TYW1: variants seen among roughly 807,000 people sequenced by gnomAD.
The protein encoded by TYW1 is tRNA-yW synthesizing protein 1 homolog.
TYW1 carries 46 observed loss-of-function variants against 96.2 expected under a neutral mutation model. The observed-to-expected ratio is 0.48, with a 90% CI of 0.38 to 0.61. The LOEUF (loss-of-function observed/expected upper bound fraction) is 0.61, where lower values mean the gene tolerates loss of function less well. Among genes scored for constraint, TYW1 ranks in the 20% least tolerant of loss-of-function variants. The pLI is 0.00. For missense variants in TYW1, 684 were observed against 909.6 expected, an observed-to-expected ratio of 0.75 and a Z score of 3.19; for synonymous variants, 274 against 323.0, an observed-to-expected ratio of 0.85 and a Z score of 1.63.
At chr7:67,012,719 C>G (rs1371000379) in intron 4 of TYW1, among the ~76,000 whole-genome samples, 1 of 152,088 alleles carries the variant, frequency 6.6e-6, no homozygotes, top group Non-Finnish European at 1.5e-5. Flanking sequence ...ACCTGACCTC[C>G]TGTAATGGGT....
intron 15 of TYW1, among the ~76,000 whole-genome samples, chr7:67,227,400 G>C (rs182951297): frequency 1.4e-4 from 21 of 152,294 alleles, no homozygotes. Flanking sequence ...GGGATTACAG[G>C]CATGCACCAC....
intron 11 of TYW1, among the ~76,000 whole-genome samples, chr7:67,086,584 T>C (rs1176258986): frequency 6.6e-6 from 1 of 151,980 alleles, no homozygotes; most frequent in African/African-American, 2.4e-5. Context: ...GACTGGGAGG[T>C]TGGAGACTCA....
At position 67,233,351 on chromosome 7, in the gene TYW1, G is replaced by A. The variant is rs535824670; in HGVS notation, c.1978-4957G>A. Among the ~76,000 whole-genome samples the A allele has an allele frequency of 1.4e-4, 19 of 135,622 alleles. 5 individuals are homozygous for A. Among genetic ancestry groups the A allele is most frequent in the African/African-American group, 5.3e-4 (18 of 33,942 alleles). The allele number at this position is 135,622 out of a possible 152,430, so 89.0% of individuals were successfully genotyped here. On this transcript the variant is annotated intron_variant, in intron 15 of 15. Transcript: ENST00000359626. ...ACCTATGCCATTATTATTGTTTAGC[G>A]AAATTCTCCCTGTGTGAAAGAGGAG...
intron 13 of TYW1, among the ~76,000 whole-genome samples, chr7:67,138,942 A>G (rs35841772): frequency 0.38 from 55,935 of 148,952 alleles, 11,024 homozygotes; most frequent in African/African-American, 0.44. Context: ...AAACATGGGA[A>G]TGCAGATGTC....
At chr7:67,208,941 T>A (rs1202697101) in intron 15 of TYW1, among the ~76,000 whole-genome samples, 1 of 152,130 alleles carries the variant, frequency 6.6e-6, no homozygotes, top group African/African-American at 2.4e-5. Context: ...TTAATTGTAG[T>A]GAAATATTTT....
chr7:67,048,693 G>C (rs1320522012), intron 7 of TYW1, among the ~76,000 whole-genome samples: 1 of 152,124 alleles, frequency 6.6e-6, no homozygotes, highest in Non-Finnish European at 1.5e-5. Context: ...GAAATTTCCT[G>C]GTGGCCAAAG....
chr7:67,166,972 A>C (rs1431229254), intron 13 of TYW1, among the ~76,000 whole-genome samples: 1 of 152,168 alleles, frequency 6.6e-6, no homozygotes, highest in Non-Finnish European at 1.5e-5. Flanking sequence ...AAGAACATTC[A>C]AGGCTTTGGT....
intron 8 of TYW1, among the ~76,000 whole-genome samples, chr7:67,053,615 G>A (rs1795430653): frequency 6.6e-6 from 1 of 152,078 alleles, no homozygotes; most frequent in Admixed American, 6.6e-5. Flanking sequence ...CCTGACCTCA[G>A]GTGATCCACC....
intron 7 of TYW1, among the ~76,000 whole-genome samples, chr7:67,045,213 A>AT (rs1036874016): frequency 1.1e-4 from 16 of 151,236 alleles, no homozygotes; most frequent in Non-Finnish European, 2.1e-4. Flanking sequence ...TTTTTTTTAA[A>AT]TTTTTTTTAT....
chr7:67,237,042 C>T (rs188061671), intron 15 of TYW1, among the ~76,000 whole-genome samples: 3 of 152,266 alleles, frequency 2.0e-5, no homozygotes, highest in Non-Finnish European at 2.9e-5. Flanking sequence ...CACACCACCA[C>T]GCCTGGCTAA....
At chr7:67,193,963 A>G (rs545809733) in intron 14 of TYW1, among the ~76,000 whole-genome samples, 190 of 152,156 alleles carry the variant, frequency 1.2e-3, no homozygotes, top group Admixed American at 2.1e-3. Flanking sequence ...GATTTTCTCA[A>G]CAAGTTGTTG....
intron 13 of TYW1, among the ~76,000 whole-genome samples, chr7:67,167,914 C>A (rs1202676833): frequency 6.6e-6 from 1 of 151,702 alleles, no homozygotes; most frequent in Non-Finnish European, 1.5e-5. Context: ...ACCACCACGC[C>A]CAGATCATTT....
At chr7:67,177,454 A>G (rs1406148290) in intron 13 of TYW1, among the ~76,000 whole-genome samples, 1 of 152,148 alleles carries the variant, frequency 6.6e-6, no homozygotes, top group Non-Finnish European at 1.5e-5. Context: ...AATTATTTCT[A>G]ATACGTTTAT....
chr7:67,190,122 T>C (rs1458803011), intron 14 of TYW1, among the ~76,000 whole-genome samples: 2 of 152,166 alleles, frequency 1.3e-5, no homozygotes, highest in East Asian at 3.8e-4. Context: ...CTGTGTGTAG[T>C]GCTCAATCCT....
At position 67,238,815 on chromosome 7, in the gene TYW1, T is replaced by C. The variant is rs1018971798; in HGVS notation, c.*286T>C. On this transcript the variant is annotated 3_prime_UTR_variant, in exon 16 of 16. Transcript: ENST00000359626. ...ACAGTCGTGATTAGAATTTATCTGA[T>C]GGTTTTGTATTATAACTTGTAAGAC... 19 of 1,237,070 alleles carry C rather than the reference T, an allele frequency of 1.5e-5. No individual in the cohort carries two copies. The African/African-American group carries it at 2.7e-4, about 18-fold the overall frequency. 76.6% of individuals were successfully genotyped at this position (1,237,070 alleles called of 1,614,324 possible).
intron 15 of TYW1, among the ~76,000 whole-genome samples, chr7:67,230,293 T>C (rs1312892032): frequency 1.3e-5 from 2 of 149,754 alleles, no homozygotes; most frequent in Non-Finnish European, 3.0e-5. Context: ...TTGTCACTAC[T>C]GTTTGCCTGC....
At chr7:67,149,722 A>AAATCTATCTATC (rs762217563) in intron 13 of TYW1, among the ~76,000 whole-genome samples, 1 of 140,120 alleles carries the variant, frequency 7.1e-6, no homozygotes, top group Non-Finnish European at 1.6e-5. Flanking sequence ...AGGAAAAAAA[A>AAATCTATCTATC]TATCTATCTA....
chr7:67,111,017 A>G (rs545556216), intron 12 of TYW1, among the ~76,000 whole-genome samples: 4 of 152,220 alleles, frequency 2.6e-5, no homozygotes, highest in African/African-American at 9.6e-5. Context: ...AAAATAAATA[A>G]AAAGAAAATG....
chr7:67,167,671 C>A (rs1799382962), intron 13 of TYW1, among the ~76,000 whole-genome samples: 1 of 151,702 alleles, frequency 6.6e-6, no homozygotes, highest in African/African-American at 2.4e-5. Flanking sequence ...ACAATCCTTT[C>A]CTGCCCTGTT....
Sources: allele counts gnomAD v4.1 joint callset (sites outside exome capture counted in the v4.1 genomes callset), GRCh38; gene constraint gnomAD v4.1.1; transcripts MANE v1.5; gene names NCBI Gene and HGNC (gene_info 2026-07-23, HGNC 2026-07-21).